Variants in RHOH observed in about 807,000 individuals in gnomAD.
RHOH encodes rho-related GTP-binding protein RhoH.
A neutral mutation model predicts 13.8 loss-of-function variants in RHOH; 6 were observed. The observed-to-expected ratio is 0.44, with a 90% CI of 0.24 to 0.86. The LOEUF is 0.86. Among genes scored for constraint, RHOH ranks in the 40% least tolerant of loss-of-function variants. The pLI, the probability that RHOH is intolerant of heterozygous loss-of-function variation, is 0.24. For missense variants in RHOH, 147 were observed against 244.5 expected, an observed-to-expected ratio of 0.60 and a Z score of 2.66; for synonymous variants, 117 against 103.0, an observed-to-expected ratio of 1.14 and a Z score of -0.82.
In RHOH at chr4:40,225,426, T is replaced by C. The variant is rs184799657; in HGVS notation, c.-330-17288T>C. Among the ~76,000 whole-genome samples the C allele has an allele frequency of 5.6e-3, 857 of 152,270 alleles. 7 individuals are homozygous for C. The highest frequency in any genetic ancestry group is 0.027 in the Middle Eastern group (8 of 294). On this transcript the variant is annotated intron_variant, in intron 1 of 2. Transcript: ENST00000381799. ...AAGTTCAATTAAAAAAAAAAGTAAC[T>C]TGTTTCTTTTAAAGCTAAAGAAGGA...
At chr4:40,239,609 T>C (rs1488424450) in intron 1 of RHOH, among the ~76,000 whole-genome samples, 1 of 152,218 alleles carries the variant, frequency 6.6e-6, no homozygotes, top group Non-Finnish European at 1.5e-5. Flanking sequence ...CCAGGCACAG[T>C]GGCTCACGCC....
In RHOH at chr4:40,243,986, C is replaced by A; in HGVS notation, c.*24C>A. 1.9e-6 allele frequency: 3 copies of A among 1,564,194 alleles called. No individual in the cohort carries two copies. The highest frequency in any genetic ancestry group is 1.7e-4 in the Middle Eastern group (1 of 5,834). ...AAACCCCAAGAGACTTCACACAACACTTATGTATGCACCCCAAAGACTAAT... is the reference window on the plus strand; with the variant it reads ...AAACCCCAAGAGACTTCACACAACAATTATGTATGCACCCCAAAGACTAAT... On this transcript the variant is annotated 3_prime_UTR_variant, in exon 3 of 3. Coordinates refer to ENST00000381799, the MANE Select transcript of RHOH (RefSeq NM_004310.5). This position sits in a 1 kb window ranked among gnomAD's most constrained non-coding sequence, Gnocchi z 6.2.
chr4:40,242,484 G>A (rs1012068219), intron 1 of RHOH, among the ~76,000 whole-genome samples: 1 of 152,200 alleles, frequency 6.6e-6, no homozygotes, highest in African/African-American at 2.4e-5. Context: ...ATGTGTAGGT[G>A]ACAGTGCCTG....
At chr4:40,241,657 A>C (rs1729259981) in intron 1 of RHOH, among the ~76,000 whole-genome samples, 3 of 152,160 alleles carry the variant, frequency 2.0e-5, no homozygotes, top group African/African-American at 7.2e-5. Flanking sequence ...TGGGAGGCTG[A>C]GGCAGGAGGA....
At chr4:40,226,732 T>C (rs1434029826) in intron 1 of RHOH, among the ~76,000 whole-genome samples, 3 of 152,160 alleles carry the variant, frequency 2.0e-5, no homozygotes, top group African/African-American at 4.8e-5. Context: ...TTAAGCAATC[T>C]GCAAGTTAAG....
rs892642366 is a variant in RHOH, at chr4:40,226,526, C to CAAAAAA, written c.-330-16174_-330-16169dup. On this transcript the variant is annotated intron_variant, in intron 1 of 2. Transcript: ENST00000381799. ...GGGTAACAAGAGTGAAACTCCATCT[C>CAAAAAA]AAAAAAAAAAAAAAAAAAAGAAAAA... Among the ~76,000 whole-genome samples, 31 of 132,924 alleles carry CAAAAAA rather than the reference C, an allele frequency of 2.3e-4. No homozygotes were observed. The East Asian group carries it at 2.5e-3, about 11-fold the overall frequency. The allele number at this position is 132,924 out of a possible 152,430, so 87.2% of individuals were successfully genotyped here.
At chr4:40,203,097 G>C (rs1303760865) in intron 1 of RHOH, among the ~76,000 whole-genome samples, 2 of 152,060 alleles carry the variant, frequency 1.3e-5, no homozygotes, top group Admixed American at 1.3e-4. Flanking sequence ...TCAGCCTCCG[G>C]AGTAGCTGGG....
intron 1 of RHOH, among the ~76,000 whole-genome samples, chr4:40,216,225 T>C (rs1725866780): frequency 6.6e-6 from 1 of 151,384 alleles, no homozygotes; most frequent in Non-Finnish European, 1.5e-5. Flanking sequence ...TCCCAGAACT[T>C]TGGGAGACCG....
intron 1 of RHOH, among the ~76,000 whole-genome samples, chr4:40,203,121 G>A (rs1349486337): frequency 6.6e-6 from 1 of 152,058 alleles, no homozygotes; most frequent in Non-Finnish European, 1.5e-5. Flanking sequence ...ACAGGTGCCC[G>A]CCACCAGGCC....
At chr4:40,207,860 G>A (rs1438002465) in intron 1 of RHOH, among the ~76,000 whole-genome samples, 1 of 152,194 alleles carries the variant, frequency 6.6e-6, no homozygotes, top group African/African-American at 2.4e-5. Flanking sequence ...CCAGCTACAT[G>A]GGAGGCTGAG....
At chr4:40,223,358 A>G (rs146431162) in intron 1 of RHOH, among the ~76,000 whole-genome samples, 2 of 152,186 alleles carry the variant, frequency 1.3e-5, no homozygotes, top group African/African-American at 4.8e-5. Flanking sequence ...ATTTTAAGAA[A>G]TAGCCACAGC....
At chr4:40,198,821 A>G (rs79290682) in intron 1 of RHOH, among the ~76,000 whole-genome samples, 1,564 of 152,316 alleles carry the variant, frequency 0.01, 23 homozygotes, top group African/African-American at 0.036. Context: ...AAATTCCATG[A>G]AATATGTGCT....
chr4:40,239,005 A>G (rs979978108), intron 1 of RHOH, among the ~76,000 whole-genome samples: 2 of 152,130 alleles, frequency 1.3e-5, no homozygotes, highest in Admixed American at 1.3e-4. Context: ...CTTATAGGGT[A>G]TGGCTCTGCC....
At chr4:40,211,517 G>T (rs566701353) in intron 1 of RHOH, among the ~76,000 whole-genome samples, 3 of 152,102 alleles carry the variant, frequency 2.0e-5, no homozygotes, top group East Asian at 1.9e-4. Context: ...CAAGTGATCC[G>T]CCTGCCTCGG....
At chr4:40,237,191 G>A (rs1463491019) in intron 1 of RHOH, among the ~76,000 whole-genome samples, 1 of 152,084 alleles carries the variant, frequency 6.6e-6, no homozygotes, top group Non-Finnish European at 1.5e-5. Flanking sequence ...GGTGGCTCAC[G>A]CCTGTAATCC....
intron 1 of RHOH, among the ~76,000 whole-genome samples, chr4:40,221,470 G>C (rs915864906): frequency 6.6e-6 from 1 of 152,082 alleles, no homozygotes; most frequent in Non-Finnish European, 1.5e-5. Context: ...TCACATTTTG[G>C]TAATTCTCAA....
intron 1 of RHOH, among the ~76,000 whole-genome samples, chr4:40,239,068 G>A (rs73808653): frequency 0.039 from 5,934 of 152,118 alleles, 373 homozygotes; most frequent in African/African-American, 0.14. Flanking sequence ...CCATATTTAG[G>A]CATCTGCCAA....
chr4:40,227,150 G>A (rs1274624633), intron 1 of RHOH, among the ~76,000 whole-genome samples: 1 of 147,480 alleles, frequency 6.8e-6, no homozygotes, highest in Non-Finnish European at 1.5e-5. Context: ...GTGAGACTCT[G>A]AAAACAAGCA....
chr4:40,195,308 G>A (rs759349261), upstream of RHOH, among the ~76,000 whole-genome samples: 1 of 151,868 alleles, frequency 6.6e-6, no homozygotes, highest in African/African-American at 2.4e-5. Flanking sequence ...TCACCATGGT[G>A]ATCTGGCTTT....
Sources: allele counts gnomAD v4.1 joint callset (sites outside exome capture counted in the v4.1 genomes callset), GRCh38; gene constraint gnomAD v4.1.1; non-coding constraint Gnocchi (gnomAD v3.1); transcripts MANE v1.5; gene names NCBI Gene and HGNC (gene_info 2026-07-23, HGNC 2026-07-21).